KRABD4: variants seen among roughly 807,000 people sequenced by gnomAD.
KRABD4 encodes the protein KRAB domain containing 4, also known as KRAB domain-containing protein 4.
At chrX:46,452,285 C>CT in the KRABD4 span, among the ~76,000 whole-genome samples, 23,344 of 100,450 alleles carry the variant, frequency 0.23, 2,617 homozygotes, top group Middle Eastern at 0.36. Context: ...CTTTCTGGTC[C>CT]TTTTTTTTTT....
At chrX:46,460,057 A>G in the KRABD4 span, among the ~76,000 whole-genome samples, 1 of 112,407 alleles carries the variant, frequency 8.9e-6, no homozygotes, top group Non-Finnish European at 1.9e-5. Flanking sequence ...GGGGGTTCCC[A>G]TGAACCCCTC....
chrX:46,459,876 C>T, the KRABD4 span, among the ~76,000 whole-genome samples: 4 of 111,842 alleles, frequency 3.6e-5, no homozygotes, highest in African/African-American at 1.3e-4. Flanking sequence ...AGCAGTTTTC[C>T]CTGGACACCA....
the KRABD4 span, chrX:46,472,986 T>G: frequency 8.3e-7 from 1 of 1,211,230 alleles, no homozygotes; most frequent in Non-Finnish European, 1.1e-6. Context: ...TTGGTCAAAA[T>G]GGAAGCTATG....
the KRABD4 span, chrX:46,450,466 C>T: frequency 1.2e-5 from 14 of 1,206,839 alleles, no homozygotes; most frequent in African/African-American, 1.9e-4. Flanking sequence ...ACAGGATGGC[C>T]ATGTCCCAGG....
chrX:46,474,004 C>T, the KRABD4 span: 4 of 112,689 alleles, frequency 3.5e-5, no homozygotes, highest in East Asian at 5.6e-4. Flanking sequence ...GCTACCCGCC[C>T]ACTAGTCCCT....
chrX:46,455,373 C>T, the KRABD4 span: 3 of 476,636 alleles, frequency 6.3e-6, no homozygotes, highest in South Asian at 8.1e-5. Flanking sequence ...ATTCATCCTC[C>T]TCAGGGAGTG....
chrX:46,461,528 G>C, the KRABD4 span, among the ~76,000 whole-genome samples: 1 of 111,768 alleles, frequency 8.9e-6, no homozygotes, highest in Non-Finnish European at 1.9e-5. Flanking sequence ...TGGTGCCACT[G>C]TGGCTGATTT....
At chrX:46,473,495 A>G in the KRABD4 span, 1 of 832,922 alleles carries the variant, frequency 1.2e-6, no homozygotes, top group African/African-American at 2.1e-5. Flanking sequence ...ATATGGGAGA[A>G]ACCTTATGAA....
the KRABD4 span, among the ~76,000 whole-genome samples, chrX:46,458,541 C>G: frequency 8.9e-6 from 1 of 112,112 alleles, no homozygotes; most frequent in East Asian, 2.8e-4. Context: ...AACTCACATA[C>G]CTGCTGTCAT....
chrX:46,466,291 TTATC>T, the KRABD4 span, among the ~76,000 whole-genome samples: 3 of 112,279 alleles, frequency 2.7e-5, no homozygotes, highest in Non-Finnish European at 3.8e-5. Context: ...TTGCTGTTCT[TTATC>T]TAGCTTCTCC....
the KRABD4 span, chrX:46,474,401 A>G: frequency 9.0e-6 from 1 of 111,462 alleles, no homozygotes; most frequent in Non-Finnish European, 1.9e-5. Flanking sequence ...GGGTTCTGAC[A>G]GCAATCAGGT....
chrX:46,473,140 C>T, the KRABD4 span: 1 of 1,191,023 alleles, frequency 8.4e-7, no homozygotes, highest in Non-Finnish European at 1.1e-6. Context: ...TAGAAAAAGT[C>T]AGAGAAGTCA....
chrX:46,473,828 T>A, the KRABD4 span: 100 of 127,248 alleles, frequency 7.9e-4, no homozygotes, highest in Non-Finnish European at 1.1e-3. Flanking sequence ...CTAATTTGTA[T>A]TTTTAGTAGA....
the KRABD4 span, chrX:46,455,710 G>T: frequency 2.6e-6 from 1 of 382,011 alleles, no homozygotes; most frequent in South Asian, 3.2e-5. Context: ...ACTGCTGTGT[G>T]AACGTTATTC....
the KRABD4 span, chrX:46,450,310 G>A: frequency 1.0e-5 from 4 of 400,686 alleles, no homozygotes; most frequent in South Asian, 3.1e-4. Context: ...ACAGGCTGGA[G>A]CTACCAGGTC....
At chrX:46,473,425 G>A in the KRABD4 span, 2 of 1,157,939 alleles carry the variant, frequency 1.7e-6, no homozygotes, top group African/African-American at 3.6e-5. Flanking sequence ...CCCTATAAAT[G>A]CAGTGTCTGT....
the KRABD4 span, chrX:46,472,249 C>T: frequency 8.4e-6 from 1 of 118,914 alleles, no homozygotes; most frequent in Admixed American, 8.5e-5. Context: ...TGTAAGTAAC[C>T]CCTGATTCTT....
the KRABD4 span, chrX:46,463,316 A>G: frequency 2.5e-6 from 3 of 1,205,980 alleles, no homozygotes; most frequent in Non-Finnish European, 3.4e-6. Flanking sequence ...CAGGTGAGTC[A>G]GGCCGGGGAA....
the KRABD4 span, among the ~76,000 whole-genome samples, chrX:46,460,833 T>C: frequency 9.3e-6 from 1 of 107,888 alleles, no homozygotes; most frequent in Non-Finnish European, 1.9e-5. Flanking sequence ...ATGATCATCA[T>C]TGGCCCTTGG....
Sources: gnomAD v4.1 joint callset for allele counts (sites outside exome capture counted in the v4.1 genomes callset) on GRCh38, gnomAD v4.1.1 for gene constraint, MANE v1.5 for transcripts, NCBI Gene and HGNC (gene_info 2026-07-23, HGNC 2026-07-21) for gene names.